The following LARGE1 variants were observed in gnomAD, a reference collection of about 807,000 sequenced individuals.
The protein encoded by LARGE1 is LARGE xylosyl- and glucuronyltransferase 1.
In LARGE1, 43 loss-of-function variants were observed where a neutral mutation model predicts 87.6. The observed-to-expected ratio is 0.49, with a 90% confidence interval of 0.38 to 0.63. LARGE1 has a LOEUF of 0.63. LARGE1 is among the 30% of genes least tolerant of loss of function. The probability of loss-of-function intolerance (pLI) is 0.00; values close to 1 mark genes in which losing one functional copy is unlikely to be tolerated. For missense variants in LARGE1, 802 were observed against 1,000.2 expected (o/e 0.80, Z 2.67); for synonymous variants, 434 against 394.6 (o/e 1.10, Z -1.18).
chr22:33,580,949 C>A (rs541931149), intron 5 of LARGE1, among the ~76,000 whole-genome samples: 1 of 151,970 alleles, frequency 6.6e-6, no homozygotes, highest in Non-Finnish European at 1.5e-5. Context: ...CATACATAAC[C>A]GGTCAGTTTG....
chr22:33,688,094 C>G (rs1214884150), intron 2 of LARGE1, among the ~76,000 whole-genome samples: 1 of 152,176 alleles, frequency 6.6e-6, no homozygotes, highest in East Asian at 1.9e-4. Flanking sequence ...TGCAACAAAA[C>G]AGAGATAATG....
intron 1 of LARGE1, among the ~76,000 whole-genome samples, chr22:33,795,693 C>G (rs899080760): frequency 5.9e-5 from 9 of 152,002 alleles, no homozygotes; most frequent in Admixed American, 4.6e-4. Flanking sequence ...AAAAAGGATG[C>G]GTTCAGGGAC....
chr22:33,748,046 A>G (rs1368928369), intron 2 of LARGE1, among the ~76,000 whole-genome samples: 3 of 148,200 alleles, frequency 2.0e-5, no homozygotes, highest in Non-Finnish European at 4.4e-5. Context: ...AAAAAAAAAA[A>G]AAAAAAGCCA....
intron 2 of LARGE1, among the ~76,000 whole-genome samples, chr22:33,703,233 C>T (rs2082451464): frequency 6.6e-6 from 1 of 151,850 alleles, no homozygotes. Flanking sequence ...AAGACAAATA[C>T]CTAATGCATG....
chr22:33,521,487 G>C (rs570907421), intron 6 of LARGE1, among the ~76,000 whole-genome samples: 1 of 152,332 alleles, frequency 6.6e-6, no homozygotes, highest in African/African-American at 2.4e-5. Flanking sequence ...TCCCAGAGTG[G>C]CAGGGGGAGC....
At chr22:33,645,893 A>G (rs954724027) in intron 3 of LARGE1, among the ~76,000 whole-genome samples, 3 of 152,216 alleles carry the variant, frequency 2.0e-5, no homozygotes, top group African/African-American at 7.2e-5. Flanking sequence ...ACAATGAGAT[A>G]CCATCTCATG....
chr22:33,078,976 C>A, the LARGE1 span, among the ~76,000 whole-genome samples: 1 of 152,182 alleles, frequency 6.6e-6, no homozygotes, highest in Non-Finnish European at 1.5e-5. Context: ...AGGTGAGAGA[C>A]AACACAGCAC....
Position 33,304,335 on chromosome 22 carries a change from G to C in LARGE1, c.1624C>G (p.Pro542Ala). Residue 542 changes from proline (P) to alanine (A), a missense_variant, in exon 12 of 15, where the codon CCC (proline) becomes GCC (alanine). Pro to Ala is a conservative substitution (Grantham distance 27). Around this residue, in one of 2 missense-constraint regions of LARGE1, gnomAD observed 625 missense variants for 841.9 expected, o/e 0.74. Coordinates refer to ENST00000397394, the MANE Select transcript of LARGE1 (RefSeq NM_133642.5). Reference sequence around the variant, plus strand: ...GCCACGTTGCGCAGCAGGTTCACGGGGTAGAACTGGCCCTCCTTGTACACG... The same window carrying C: ...GCCACGTTGCGCAGCAGGTTCACGGCGTAGAACTGGCCCTCCTTGTACACG... The part of the protein sequence containing the change: ...HIVYKEGQFY[P>A]VNLLRNVAMK... 6.2e-7 allele frequency: 1 copy of C among 1,614,274 alleles called. No individual in the cohort carries two copies. Among genetic ancestry groups the C allele is most frequent in the South Asian group, 1.1e-5 (1 of 91,088 alleles).
the LARGE1 span, among the ~76,000 whole-genome samples, chr22:33,079,801 C>T: frequency 2.6e-5 from 4 of 152,064 alleles, no homozygotes; most frequent in South Asian, 2.1e-4. Flanking sequence ...CATAATTTTA[C>T]TCTGAGCCCC....
chr22:33,403,658 T>C (rs1163701838), intron 7 of LARGE1, among the ~76,000 whole-genome samples: 2 of 151,980 alleles, frequency 1.3e-5, no homozygotes, highest in African/African-American at 2.4e-5. Context: ...GGCTGGAGTG[T>C]AGTGGCGCGA....
the LARGE1 span, among the ~76,000 whole-genome samples, chr22:33,128,665 A>G: frequency 7.1e-6 from 1 of 140,516 alleles, no homozygotes; most frequent in Admixed American, 7.7e-5. Flanking sequence ...CAAGAGTGAG[A>G]CTTCGTCTCA....
intron 13 of LARGE1, among the ~76,000 whole-genome samples, chr22:33,281,024 T>C (rs1930343153): frequency 6.6e-6 from 1 of 151,948 alleles, no homozygotes; most frequent in Admixed American, 6.6e-5. Flanking sequence ...TCATTCCAGG[T>C]GTGGTAGGGA....
intron 12 of LARGE1, among the ~76,000 whole-genome samples, chr22:33,300,868 G>T (rs994910610): frequency 3.3e-5 from 5 of 152,080 alleles, no homozygotes; most frequent in Admixed American, 1.3e-4. Flanking sequence ...TAGAGATGGG[G>T]TCTCACTATA....
intron 1 of LARGE1, among the ~76,000 whole-genome samples, chr22:33,901,144 G>A (rs1206942107): frequency 1.3e-5 from 2 of 152,092 alleles, no homozygotes; most frequent in Non-Finnish European, 2.9e-5. Context: ...TGTGACTGGA[G>A]GGACATGTCT....
rs141184136 is a variant in LARGE1, at chr22:33,588,880, T to C, written c.615+15555A>G. On this transcript the variant is annotated intron_variant, in intron 5 of 14. Coordinates refer to ENST00000397394, the MANE Select transcript of LARGE1 (RefSeq NM_133642.5). ...ATCTGGATGACTACTAAAGTGGGGGTGGGAGGCCTTCCCTGAGAATTAGCA... is the reference window on the plus strand; with the variant it reads ...ATCTGGATGACTACTAAAGTGGGGGCGGGAGGCCTTCCCTGAGAATTAGCA... Among the ~76,000 whole-genome samples, 656 of 152,166 alleles carry C rather than the reference T, an allele frequency of 4.3e-3. 1 individual carries two copies. The highest frequency in any genetic ancestry group is 0.015 in the African/African-American group (625 of 41,522).
chr22:33,843,564 C>T (rs576908534), intron 1 of LARGE1, among the ~76,000 whole-genome samples: 12 of 151,836 alleles, frequency 7.9e-5, no homozygotes, highest in African/African-American at 1.2e-4. Flanking sequence ...TTATTCAAAC[C>T]GCACTCAAAC....
Position 33,337,667 on chromosome 22 carries a change from C to T in LARGE1, c.1266G>A (p.Glu422=). 6.2e-7 allele frequency: 1 copy of T among 1,614,144 alleles called. No individual in the cohort carries two copies. Among genetic ancestry groups the T allele is most frequent in the Non-Finnish European group, 8.5e-7 (1 of 1,180,034 alleles). ...TTACGTTTTCACTGTTGACATCAGC[C>T]TCACTGGGGCAGCCAAACAGTTCCC... is the stretch of plus-strand genomic sequence containing the variant. ...LRRELFGCPS[E]ADVNSENLQK... is the part of the protein sequence containing the mutation. The change falls in exon 10 of 15, where the codon GAG becomes GAA. Residue 422 remains glutamate, a synonymous_variant. Coordinates refer to ENST00000397394, the MANE Select transcript of LARGE1 (RefSeq NM_133642.5).
At chr22:33,160,620 G>A (rs753699988), downstream of LARGE1, among the ~76,000 whole-genome samples, 1 of 152,246 alleles carries the variant, frequency 6.6e-6, no homozygotes, top group Non-Finnish European at 1.5e-5. Flanking sequence ...TGTCATGTGA[G>A]TGATTATTAA....
intron 2 of LARGE1, among the ~76,000 whole-genome samples, chr22:33,739,920 G>C (rs2083814070): frequency 6.6e-6 from 1 of 152,192 alleles, no homozygotes; most frequent in African/African-American, 2.4e-5. Flanking sequence ...CCCCCTGAAT[G>C]TAGAAAGACA....
Sources: gnomAD v4.1 joint callset for allele counts (sites outside exome capture counted in the v4.1 genomes callset) on GRCh38, gnomAD v4.1.1 for gene constraint, gnomAD v4.1.1 regional missense constraint, MANE v1.5 for transcripts, NCBI Gene and HGNC (gene_info 2026-07-23, HGNC 2026-07-21) for gene names.